The following PTN variants were observed in gnomAD, a reference collection of about 807,000 sequenced individuals.
The protein encoded by PTN is heparin affin regulatory protein.
In PTN, 18 loss-of-function variants were observed where a neutral mutation model predicts 24.1. That is an observed-to-expected ratio of 0.75 (90% confidence interval 0.52 to 1.11). The LOEUF is 1.11. Ranked by LOEUF, PTN falls within the 50% of genes least tolerant of loss-of-function variation. The probability of loss-of-function intolerance (pLI) is 0.00; values close to 1 mark genes in which losing one functional copy is unlikely to be tolerated. For missense variants in PTN, 163 were observed against 198.8 expected, an observed-to-expected ratio of 0.82 and a Z score of 1.08; for synonymous variants, 78 against 68.6, an observed-to-expected ratio of 1.14 and a Z score of -0.67.
At chr7:137,231,691 A>G (rs1011664811) in intron 4 of PTN, among the ~76,000 whole-genome samples, 2 of 151,978 alleles carry the variant, frequency 1.3e-5, no homozygotes, top group African/African-American at 4.8e-5. Context: ...TCAACCCATT[A>G]CTATATAGAA....
chr7:137,296,601 A>G (rs1443085123), intron 1 of PTN, among the ~76,000 whole-genome samples: 1 of 151,776 alleles, frequency 6.6e-6, no homozygotes, highest in Admixed American at 6.6e-5. Context: ...TGAAACCCTC[A>G]CCCTATTTAT....
At chr7:137,236,039 T>C in intron 4 of PTN, 2 of 613,944 alleles carry the variant, frequency 3.3e-6, no homozygotes, top group Non-Finnish European at 5.8e-6. Context: ...GTGAATAAAG[T>C]AGATTTAATA....
At chr7:137,273,980 G>A (rs1809318172) in intron 1 of PTN, among the ~76,000 whole-genome samples, 1 of 151,990 alleles carries the variant, frequency 6.6e-6, no homozygotes, top group African/African-American at 2.4e-5. Context: ...TATTACAAAA[G>A]TACTATAATT....
chr7:137,239,784 T>C (rs904295622), intron 4 of PTN, among the ~76,000 whole-genome samples: 14 of 152,188 alleles, frequency 9.2e-5, no homozygotes, highest in Admixed American at 2.0e-4. Flanking sequence ...AGTGAATAAG[T>C]TGTAGTATAC....
chr7:137,335,818 A>T (rs1404636534), intron 1 of PTN, among the ~76,000 whole-genome samples: 4 of 152,322 alleles, frequency 2.6e-5, no homozygotes, highest in African/African-American at 9.6e-5. Context: ...ATAACCAATT[A>T]AAAAATGTGA....
intron 4 of PTN, among the ~76,000 whole-genome samples, chr7:137,239,779 A>G (rs1038386272): frequency 1.2e-4 from 19 of 152,218 alleles, no homozygotes; most frequent in Non-Finnish European, 2.2e-4. Context: ...TCAAAAGTGA[A>G]TAAGTTGTAG....
intron 1 of PTN, among the ~76,000 whole-genome samples, chr7:137,271,392 A>T (rs1261873197): frequency 1.3e-5 from 2 of 152,180 alleles, no homozygotes; most frequent in African/African-American, 4.8e-5. Flanking sequence ...TCTGTTCCCT[A>T]TTAATCTTTA....
intron 1 of PTN, among the ~76,000 whole-genome samples, chr7:137,297,900 A>C (rs35106072): frequency 2.1e-5 from 2 of 95,156 alleles, no homozygotes; most frequent in East Asian, 5.5e-4. Context: ...GAAGCTTTCC[A>C]AAGTGGGCAG....
intron 1 of PTN, among the ~76,000 whole-genome samples, chr7:137,283,197 A>G (rs951798183): frequency 6.6e-6 from 1 of 152,152 alleles, no homozygotes; most frequent in South Asian, 2.1e-4. Context: ...TTTAGCTGGC[A>G]AAAAAATAGG....
Position 137,324,433 on chromosome 7 carries a change from A to AAAAAAAAATAT in PTN, c.-2+19005_-2+19006insATATTTTTTTT. The stretch of plus-strand genomic sequence containing the variant: ...CCCTGTCTCTAAAAAAAAAAAAAAA[A>AAAAAAAAATAT]ATATATATATATATATATAAATTAA... On this transcript the variant is annotated intron_variant, in intron 1 of 4. Coordinates refer to ENST00000348225, the MANE Select transcript of PTN (RefSeq NM_002825.7). 1.1e-3 allele frequency among the ~76,000 whole-genome samples: 99 copies of AAAAAAAAATAT among 88,750 alleles called. 2 individuals are homozygous for AAAAAAAAATAT. Among genetic ancestry groups the AAAAAAAAATAT allele is most frequent in the African/African-American group, 6.0e-3 (87 of 14,472 alleles). 58.2% of individuals were successfully genotyped at this position (88,750 alleles called of 152,430 possible).
intron 1 of PTN, among the ~76,000 whole-genome samples, chr7:137,261,826 G>A (rs956849253): frequency 2.6e-5 from 4 of 152,188 alleles, no homozygotes; most frequent in African/African-American, 7.2e-5. Flanking sequence ...CCTGTTTAGA[G>A]TCTTCTTGGT....
chr7:137,255,467 G>A (rs561756494), intron 1 of PTN, among the ~76,000 whole-genome samples: 9 of 152,196 alleles, frequency 5.9e-5, no homozygotes, highest in East Asian at 3.9e-4. Flanking sequence ...CTATTTAGAC[G>A]CATACACAAC....
At chr7:137,293,702 G>T (rs1370980394) in intron 1 of PTN, among the ~76,000 whole-genome samples, 1 of 152,006 alleles carries the variant, frequency 6.6e-6, no homozygotes, top group East Asian at 1.9e-4. Flanking sequence ...CCCTGCCGCC[G>T]CACATGCATA....
Position 137,244,454 on chromosome 7 carries a change from G to A in PTN, c.451+6776C>T, listed in dbSNP as rs552674638. Among the ~76,000 whole-genome samples, 21 of 145,244 alleles carry A rather than the reference G, an allele frequency of 1.4e-4. No individual in the cohort carries two copies. In the East Asian group the frequency reaches 4.3e-3, roughly 29 times the overall value. ...GTGCAGGTTTGTTACGTATGTATAC[G>A]TGTGCCATGTTGGTGTGCTGCACCC... On this transcript the variant is annotated intron_variant, in intron 4 of 4. Coordinates refer to ENST00000348225, the MANE Select transcript of PTN (RefSeq NM_002825.7).
At chr7:137,306,383 A>T (rs756754258) in intron 1 of PTN, among the ~76,000 whole-genome samples, 21 of 152,060 alleles carry the variant, frequency 1.4e-4, no homozygotes, top group Non-Finnish European at 2.5e-4. Context: ...GAGGGAGGGT[A>T]GAAAGAAGGA....
At chr7:137,340,545 T>C (rs1367908664) in intron 1 of PTN, among the ~76,000 whole-genome samples, 1 of 152,114 alleles carries the variant, frequency 6.6e-6, no homozygotes, top group Non-Finnish European at 1.5e-5. Flanking sequence ...TGACTCTGGA[T>C]GGAAAAAAGC....
At chr7:137,243,936 G>A (rs746933054) in intron 4 of PTN, among the ~76,000 whole-genome samples, 8 of 152,050 alleles carry the variant, frequency 5.3e-5, no homozygotes, top group African/African-American at 1.4e-4. Flanking sequence ...CTGGTCTTGC[G>A]GCATCCAAGC....
chr7:137,247,198 G>C (rs1271177962), intron 4 of PTN, among the ~76,000 whole-genome samples: 1 of 152,134 alleles, frequency 6.6e-6, no homozygotes. Context: ...TCAGTATATT[G>C]AAAAGATATC....
chr7:137,289,575 C>T (rs774559411), intron 1 of PTN, among the ~76,000 whole-genome samples: 5 of 151,954 alleles, frequency 3.3e-5, no homozygotes, highest in East Asian at 1.9e-4. Context: ...TGGTCAGAGA[C>T]GGAGAAAGTC....
Sources: allele counts gnomAD v4.1 joint callset (sites outside exome capture counted in the v4.1 genomes callset), GRCh38; gene constraint gnomAD v4.1.1; transcripts MANE v1.5; gene names NCBI Gene and HGNC (gene_info 2026-07-23, HGNC 2026-07-21).